Variants in GRIP1 observed in about 807,000 individuals in gnomAD.
GRIP1 encodes the protein glutamate receptor interacting protein 1, also known as glutamate receptor-interacting protein 1.
Under a neutral mutation model 129.9 loss-of-function variants are expected in GRIP1, and 45 were observed. That is an observed-to-expected ratio of 0.35 (90% CI 0.27 to 0.44). The LOEUF is 0.44. Ranked by LOEUF, GRIP1 falls within the 20% of genes least tolerant of loss-of-function variation. The pLI is 1.00. For missense variants in GRIP1, 1,196 were observed against 1,396.8 expected (o/e 0.86, Z 2.29); for synonymous variants, 530 against 520.8 (o/e 1.02, Z -0.24).
chr12:67,007,597 A>AC (rs1232277996), intron 1 of GRIP1, among the ~76,000 whole-genome samples: 3 of 152,168 alleles, frequency 2.0e-5, no homozygotes, highest in African/African-American at 7.2e-5. Context: ...TAATAAATAT[A>AC]CAATGTCTAA....
At position 66,358,469 on chromosome 12, in the gene GRIP1, C is replaced by T. The variant is rs141659363; in HGVS notation, c.3013-4906G>A. Among the ~76,000 whole-genome samples, 863 of 151,998 alleles carry T rather than the reference C, an allele frequency of 5.7e-3. 3 individuals carry two copies. Among genetic ancestry groups the T allele is most frequent in the African/African-American group, 0.02 (816 of 41,466 alleles). On this transcript the variant is annotated intron_variant, in intron 23 of 24. Coordinates refer to ENST00000359742, the MANE Select transcript of GRIP1 (RefSeq NM_001366722.1). ...AGTCCTTTTTCTTTCTTTTTTGAGA[C>T]AGGGTCTCACTCTGTCACCCCGACT...
intron 7 of GRIP1, among the ~76,000 whole-genome samples, chr12:66,471,228 A>T (rs1289956277): frequency 6.6e-6 from 1 of 152,240 alleles, no homozygotes. Context: ...GAAACAAAAT[A>T]AGTAATACAA....
intron 1 of GRIP1, among the ~76,000 whole-genome samples, chr12:66,874,508 T>C (rs530485046): frequency 6.6e-5 from 10 of 152,008 alleles, no homozygotes; most frequent in African/African-American, 2.2e-4. Context: ...AGAAAAGAGG[T>C]TTAACTGGCT....
At chr12:66,815,685 G>T (rs555465878) in intron 1 of GRIP1, among the ~76,000 whole-genome samples, 37 of 152,132 alleles carry the variant, frequency 2.4e-4, no homozygotes, top group African/African-American at 8.7e-4. Flanking sequence ...GATTGCTTCA[G>T]CTCGGGAAGT....
chr12:66,812,319 G>A (rs1592869089), intron 1 of GRIP1, among the ~76,000 whole-genome samples: 1 of 152,250 alleles, frequency 6.6e-6, no homozygotes, highest in South Asian at 2.1e-4. Context: ...ATTTTTAGTA[G>A]AGATGGGGTT....
At chr12:67,038,324 A>G (rs1025862932) in intron 1 of GRIP1, among the ~76,000 whole-genome samples, 1 of 152,206 alleles carries the variant, frequency 6.6e-6, no homozygotes, top group East Asian at 1.9e-4. Flanking sequence ...GCCACATTCC[A>G]CAAGGTATCT....
chr12:66,844,974 G>A (rs1379260779), intron 1 of GRIP1, among the ~76,000 whole-genome samples: 2 of 152,138 alleles, frequency 1.3e-5, no homozygotes, highest in Non-Finnish European at 2.9e-5. Context: ...TGGGAATGAT[G>A]AGTTAGCGCT....
chr12:66,446,046 G>C (rs2058615331), intron 11 of GRIP1, among the ~76,000 whole-genome samples: 1 of 151,952 alleles, frequency 6.6e-6, no homozygotes, highest in Non-Finnish European at 1.5e-5. Flanking sequence ...CCTTAATCTA[G>C]TGTTGGGTTG....
rs1414185098 is a variant in GRIP1 at position 66,537,570 on chromosome 12, T to TA, written c.418+1507dup. The stretch of plus-strand genomic sequence containing the variant: ...CTATGTACCCACAGAAATTAAAAAT[T>TA]AAAAAAGAAATTAATGTATCCATAA... On this transcript the variant is annotated intron_variant, in intron 4 of 24. Coordinates refer to ENST00000359742, the MANE Select transcript of GRIP1 (RefSeq NM_001366722.1). 4.0e-5 allele frequency among the ~76,000 whole-genome samples: 6 copies of TA among 151,682 alleles called. No individual in the cohort carries two copies. In the South Asian group the frequency reaches 1.3e-3, roughly 32 times the overall value.
chr12:66,397,110 CAA>C (rs71436004), intron 16 of GRIP1, among the ~76,000 whole-genome samples: 21 of 60,212 alleles, frequency 3.5e-4, no homozygotes, highest in African/African-American at 1.3e-3. Context: ...GACTCTGTCT[CAA>C]AAAAAAAAAA....
chr12:66,770,448 A>G (rs936353172), intron 1 of GRIP1, among the ~76,000 whole-genome samples: 1 of 152,212 alleles, frequency 6.6e-6, no homozygotes, highest in Admixed American at 6.5e-5. Flanking sequence ...TATTTCTGTC[A>G]ATAAAAAGAA....
At chr12:66,568,104 C>A in intron 2 of GRIP1, 1 of 283,538 alleles carries the variant, frequency 3.5e-6, no homozygotes, top group South Asian at 4.8e-5. Context: ...GAAATCTGTT[C>A]AGCTACAAAT....
intron 1 of GRIP1, among the ~76,000 whole-genome samples, chr12:66,827,441 A>T (rs1277699739): frequency 6.6e-6 from 1 of 151,926 alleles, no homozygotes; most frequent in African/African-American, 2.4e-5. Context: ...AGAGCAAGAG[A>T]GTGCCAAAAG....
chr12:67,033,004 A>G (rs1758851973), intron 1 of GRIP1, among the ~76,000 whole-genome samples: 1 of 152,086 alleles, frequency 6.6e-6, no homozygotes, highest in African/African-American at 2.4e-5. Flanking sequence ...TTATATGTAC[A>G]GCACATGTCA....
At chr12:66,808,041 C>A (rs933260588), upstream of GRIP1, among the ~76,000 whole-genome samples, 2 of 151,430 alleles carry the variant, frequency 1.3e-5, no homozygotes, top group Non-Finnish European at 2.9e-5. Context: ...ATAATACAAC[C>A]AAGAACTGAC....
intron 7 of GRIP1, among the ~76,000 whole-genome samples, chr12:66,480,198 G>A (rs923392586): frequency 6.6e-6 from 1 of 152,144 alleles, no homozygotes; most frequent in African/African-American, 2.4e-5. Flanking sequence ...ATCTTTTTAA[G>A]GTGATAAGCA....
At chr12:67,024,360 G>A (rs1216046412) in intron 1 of GRIP1, among the ~76,000 whole-genome samples, 1 of 152,114 alleles carries the variant, frequency 6.6e-6, no homozygotes, top group East Asian at 1.9e-4. Context: ...CAGACCTGCA[G>A]CCATAGACAC....
At chr12:67,051,932 T>C (rs552482063) in intron 1 of GRIP1, among the ~76,000 whole-genome samples, 4 of 152,330 alleles carry the variant, frequency 2.6e-5, no homozygotes, top group South Asian at 2.1e-4. Context: ...AAGCCTCACA[T>C]TGCACAAAGC....
intron 1 of GRIP1, among the ~76,000 whole-genome samples, chr12:66,618,422 G>A (rs976907134): frequency 3.6e-4 from 54 of 152,020 alleles, no homozygotes; most frequent in African/African-American, 1.3e-3. Context: ...CTGGCTGGTG[G>A]GGGATATGGA....
Sources: allele counts gnomAD v4.1 joint callset (sites outside exome capture counted in the v4.1 genomes callset), GRCh38; gene constraint gnomAD v4.1.1; transcripts MANE v1.5; gene names NCBI Gene and HGNC (gene_info 2026-07-23, HGNC 2026-07-21).